The following PCSK5 variants were observed in gnomAD, a reference collection of about 807,000 sequenced individuals.
PCSK5 encodes proprotein convertase subtilisin/kexin type 5, also known as prohormone convertase 5.
PCSK5 carries 129 observed loss-of-function variants against 233.2 expected under a neutral mutation model. The observed-to-expected ratio is 0.55, with a 90% CI of 0.48 to 0.64. The LOEUF (loss-of-function observed/expected upper bound fraction) is 0.64. Among genes scored for constraint, PCSK5 ranks in the 30% least tolerant of loss-of-function variants. The pLI is 0.00. For missense variants in PCSK5, 2,076 were observed against 2,430.1 expected (o/e 0.85, Z 3.06); for synonymous variants, 825 against 879.2 (o/e 0.94, Z 1.09).
At chr9:76,184,808 A>G (rs374757233) in intron 17 of PCSK5, 51 bp downstream of exon 17, 358 of 1,081,266 alleles carry the variant, frequency 3.3e-4, no homozygotes, top group Non-Finnish European at 4.6e-4. Context: ...GAGCTTCTCA[A>G]TGTAAATAAA....
At chr9:76,030,023 T>C (rs571693245) in intron 5 of PCSK5, among the ~76,000 whole-genome samples, 4 of 152,198 alleles carry the variant, frequency 2.6e-5, no homozygotes, top group African/African-American at 9.6e-5. Context: ...AGAAATTAGG[T>C]AGAGAGAAAC....
intron 5 of PCSK5, among the ~76,000 whole-genome samples, chr9:76,042,227 C>T (rs1404694369): frequency 6.6e-6 from 1 of 152,200 alleles, no homozygotes; most frequent in Non-Finnish European, 1.5e-5. Flanking sequence ...GATAAAAAAC[C>T]TAAAACAAGT....
intron 7 of PCSK5, among the ~76,000 whole-genome samples, chr9:76,087,785 C>T (rs1032288369): frequency 6.6e-6 from 1 of 152,044 alleles, no homozygotes; most frequent in African/African-American, 2.4e-5. Flanking sequence ...CTATTGTGTG[C>T]ACAGAAAATC....
At chr9:76,267,120 G>C (rs574820844) in intron 24 of PCSK5, among the ~76,000 whole-genome samples, 1 of 152,196 alleles carries the variant, frequency 6.6e-6, no homozygotes, top group Non-Finnish European at 1.5e-5. Flanking sequence ...AGAACCTGCA[G>C]TGTCTGAGAG....
At chr9:76,040,355 C>G (rs10125179) in intron 5 of PCSK5, among the ~76,000 whole-genome samples, 20,909 of 84,174 alleles carry the variant, frequency 0.25, 1,665 homozygotes, top group African/African-American at 0.4. Context: ...CTCTCTCTCT[C>G]TCTCTCTCTC....
At chr9:76,080,546 A>T (rs971262141) in intron 7 of PCSK5, among the ~76,000 whole-genome samples, 1 of 152,206 alleles carries the variant, frequency 6.6e-6, no homozygotes, top group Non-Finnish European at 1.5e-5. Context: ...TTACTTAAGG[A>T]TCACACTGGT....
intron 14 of PCSK5, chr9:76,175,507 G>A (rs776665072): frequency 3.5e-5 from 12 of 341,748 alleles, no homozygotes; most frequent in African/African-American, 1.3e-4. Flanking sequence ...CATATTGTTC[G>A]CTTACAGAAT....
At chr9:76,074,912 G>A (rs1353944105) in intron 7 of PCSK5, among the ~76,000 whole-genome samples, 1 of 152,012 alleles carries the variant, frequency 6.6e-6, no homozygotes, top group Non-Finnish European at 1.5e-5. Context: ...TTACCTGTTG[G>A]GGTAGATTAA....
At chr9:75,903,925 AAT>A (rs373930184) in intron 1 of PCSK5, among the ~76,000 whole-genome samples, 48 of 152,238 alleles carry the variant, frequency 3.2e-4, no homozygotes, top group African/African-American at 1.1e-3. Context: ...TCATTTAACT[AAT>A]ATGTTTGTGT....
At chr9:76,204,703 T>C (rs911374821) in intron 20 of PCSK5, among the ~76,000 whole-genome samples, 6 of 152,204 alleles carry the variant, frequency 3.9e-5, no homozygotes, top group Non-Finnish European at 8.8e-5. Flanking sequence ...CATCGTTGCA[T>C]ACCCCATAAT....
chr9:76,198,843 G>A (rs917901133), intron 20 of PCSK5, among the ~76,000 whole-genome samples: 4 of 152,162 alleles, frequency 2.6e-5, no homozygotes, highest in African/African-American at 9.7e-5. Flanking sequence ...TGCCTTTAAA[G>A]GGTATAAAAT....
At chr9:76,097,559 A>G (rs1014397667) in intron 8 of PCSK5, among the ~76,000 whole-genome samples, 11 of 152,350 alleles carry the variant, frequency 7.2e-5, no homozygotes, top group Middle Eastern at 3.4e-3. Context: ...GCAAACAGCC[A>G]GTGTAATTAA....
chr9:76,196,614 G>A (rs915521781), intron 20 of PCSK5, among the ~76,000 whole-genome samples: 5 of 152,184 alleles, frequency 3.3e-5, no homozygotes, highest in African/African-American at 1.2e-4. Flanking sequence ...ATAACAACCA[G>A]GTATGAGAAA....
intron 2 of PCSK5, among the ~76,000 whole-genome samples, chr9:75,971,257 A>G (rs542839364): frequency 9.9e-5 from 15 of 152,284 alleles, no homozygotes; most frequent in African/African-American, 3.4e-4. Context: ...TGCAAAGGAC[A>G]TGATTTTGTT....
intron 5 of PCSK5, among the ~76,000 whole-genome samples, chr9:76,029,290 A>G (rs1355996412): frequency 2.6e-5 from 4 of 152,190 alleles, no homozygotes; most frequent in Admixed American, 1.3e-4. Flanking sequence ...TGCAATTCCC[A>G]GTTTTAAAAG....
At chr9:76,249,955 A>T (rs1417916824) in intron 24 of PCSK5, among the ~76,000 whole-genome samples, 1 of 152,210 alleles carries the variant, frequency 6.6e-6, no homozygotes, top group Non-Finnish European at 1.5e-5. Context: ...AATAGGAAGG[A>T]GGCGACAAAT....
chr9:76,116,678 C>T (rs1042496185), intron 9 of PCSK5, among the ~76,000 whole-genome samples: 3 of 152,094 alleles, frequency 2.0e-5, no homozygotes, highest in African/African-American at 7.2e-5. Context: ...TTGGTAATCT[C>T]ATTTTATCCT....
rs576973822 is a variant in PCSK5, at chr9:76,002,595, A to G, written c.411+16350A>G. Reference sequence around the variant, plus strand: ...ATTGACAGAAGAGATGTAAATAGGCAGTATTTGTTTCCCTGACCTATTTTT... The same window carrying G: ...ATTGACAGAAGAGATGTAAATAGGCGGTATTTGTTTCCCTGACCTATTTTT... On this transcript the variant is annotated intron_variant, in intron 3 of 37. Coordinates refer to ENST00000674117, the MANE Select transcript of PCSK5 (RefSeq NM_001372043.1). Among the ~76,000 whole-genome samples, 38 of 152,378 alleles carry G rather than the reference A, an allele frequency of 2.5e-4. 1 individual carries two copies. The highest frequency in any genetic ancestry group is 1.5e-5 in the Non-Finnish European group (1 of 68,036).
chr9:75,959,290 G>A (rs1185903985), intron 2 of PCSK5, among the ~76,000 whole-genome samples: 2 of 152,190 alleles, frequency 1.3e-5, no homozygotes, highest in African/African-American at 4.8e-5. Context: ...AAGACAGAGA[G>A]TGGCATTGTT....
Sources: gnomAD v4.1 joint callset for allele counts (sites outside exome capture counted in the v4.1 genomes callset) on GRCh38, gnomAD v4.1.1 for gene constraint, MANE v1.5 for transcripts, NCBI Gene and HGNC (gene_info 2026-07-23, HGNC 2026-07-21) for gene names.